PCDH15: variants seen among roughly 807,000 people sequenced by gnomAD.
PCDH15 encodes the protein protocadherin-15.
PCDH15 carries 129 observed loss-of-function variants against 178.5 expected under a neutral mutation model. That is an observed-to-expected ratio of 0.72 (90% CI 0.63 to 0.84). The LOEUF (loss-of-function observed/expected upper bound fraction) is 0.84. Ranked by LOEUF, PCDH15 falls within the 40% of genes least tolerant of loss-of-function variation. The probability of loss-of-function intolerance (pLI) is 0.00; values close to 1 mark genes in which losing one functional copy is unlikely to be tolerated. For missense variants in PCDH15, 2,230 were observed against 2,099.9 expected (o/e 1.06, Z -1.21); for synonymous variants, 800 against 732.0 (o/e 1.09, Z -1.50).
At chr10:54,787,820 G>C (rs1007673122) in intron 1 of PCDH15, among the ~76,000 whole-genome samples, 50 of 151,980 alleles carry the variant, frequency 3.3e-4, no homozygotes, top group African/African-American at 1.2e-3. Flanking sequence ...AGCGAAGCTT[G>C]TAGCAAGCCA....
chr10:54,150,163 G>A (rs1235069572), intron 14 of PCDH15, among the ~76,000 whole-genome samples: 1 of 152,070 alleles, frequency 6.6e-6, no homozygotes, highest in Non-Finnish European at 1.5e-5. Flanking sequence ...TTATTGGGAA[G>A]AGACCTATCA....
intron 1 of PCDH15, among the ~76,000 whole-genome samples, chr10:54,795,074 T>C (rs1314623255): frequency 1.3e-5 from 2 of 151,830 alleles, no homozygotes; most frequent in African/African-American, 4.8e-5. Context: ...TACACATTCT[T>C]TATGATGATA....
intron 2 of PCDH15, among the ~76,000 whole-genome samples, chr10:55,039,070 C>G (rs554341671): frequency 8.5e-5 from 13 of 152,182 alleles, no homozygotes; most frequent in Admixed American, 7.9e-4. Flanking sequence ...ATCTCAACAT[C>G]TCTTCTTTAC....
rs112218251 is a variant in PCDH15 at position 54,665,918 on chromosome 10, C to A, written c.-28-1628G>T. On this transcript the variant is annotated intron_variant, in intron 1 of 37. Coordinates refer to ENST00000644397, the MANE Select transcript of PCDH15 (RefSeq NM_001384140.1). ...AAAAGAAAAATAAAATTGACCAATG[C>A]TACTGGTTGTGTAGAGCAGCGGATA... is the stretch of plus-strand genomic sequence containing the variant. Among the ~76,000 whole-genome samples the A allele has an allele frequency of 1.7e-3, 257 of 152,090 alleles. 3 individuals are homozygous for A. The highest frequency in any genetic ancestry group is 5.8e-3 in the African/African-American group (240 of 41,528).
chr10:54,601,933 G>C (rs752381355), intron 2 of PCDH15, among the ~76,000 whole-genome samples: 3 of 151,862 alleles, frequency 2.0e-5, no homozygotes, highest in Non-Finnish European at 2.9e-5. Context: ...GCTAAATGAT[G>C]AAAACACATG....
intron 3 of PCDH15, among the ~76,000 whole-genome samples, chr10:54,885,295 T>A (rs1414118366): frequency 6.6e-6 from 1 of 152,002 alleles, no homozygotes; most frequent in East Asian, 1.9e-4. Flanking sequence ...TTTGAATGCT[T>A]GACTGTCATG....
At chr10:55,414,117 T>C (rs1307600184) in intron 2 of PCDH15, among the ~76,000 whole-genome samples, 5 of 151,708 alleles carry the variant, frequency 3.3e-5, no homozygotes, top group Non-Finnish European at 7.4e-5. Context: ...CTTCACAGTA[T>C]TTAATTTTAA....
chr10:54,887,928 T>C (rs553289654), intron 3 of PCDH15, among the ~76,000 whole-genome samples: 1 of 152,176 alleles, frequency 6.6e-6, no homozygotes, highest in African/African-American at 2.4e-5. Flanking sequence ...TATTCTGCTC[T>C]CCCACAATCA....
At chr10:54,340,753 G>A (rs1942078319) in intron 6 of PCDH15, among the ~76,000 whole-genome samples, 1 of 152,056 alleles carries the variant, frequency 6.6e-6, no homozygotes, top group South Asian at 2.1e-4. Context: ...TTGGGGGTTT[G>A]CCATTCTCCT....
intron 35 of PCDH15, among the ~76,000 whole-genome samples, chr10:53,815,398 T>C (rs2076025132): frequency 6.6e-6 from 1 of 152,174 alleles, no homozygotes; most frequent in Admixed American, 6.5e-5. Context: ...TCAGCAGATG[T>C]GTATCTTGAC....
chr10:55,613,429 C>A (rs769213692), intron 2 of PCDH15, among the ~76,000 whole-genome samples: 4 of 152,060 alleles, frequency 2.6e-5, no homozygotes, highest in Non-Finnish European at 4.4e-5. Context: ...ATACATGCCC[C>A]ACCTTATAAT....
intron 1 of PCDH15, among the ~76,000 whole-genome samples, chr10:55,166,845 G>A (rs1028885444): frequency 1.3e-5 from 2 of 152,144 alleles, no homozygotes; most frequent in Non-Finnish European, 1.5e-5. Context: ...TTTGGAAGTG[G>A]AAGACTTAAG....
chr10:54,427,010 CT>C (rs1956346423), intron 3 of PCDH15, among the ~76,000 whole-genome samples: 1 of 151,786 alleles, frequency 6.6e-6, no homozygotes, highest in African/African-American at 2.4e-5. Flanking sequence ...AATAGAAGGT[CT>C]TTTAAAAGTT....
At chr10:55,446,997 C>T (rs1358774005) in intron 2 of PCDH15, among the ~76,000 whole-genome samples, 2 of 152,036 alleles carry the variant, frequency 1.3e-5, no homozygotes, top group South Asian at 4.2e-4. Context: ...ACAGATAAAA[C>T]AGAAGTCATA....
At chr10:54,053,803 A>C (rs532484098) in intron 18 of PCDH15, among the ~76,000 whole-genome samples, 28 of 152,314 alleles carry the variant, frequency 1.8e-4, no homozygotes, top group African/African-American at 6.7e-4. Context: ...TTAGAGACAT[A>C]ATTCCAGAAT....
At chr10:54,900,888 A>G (rs1954627563) in intron 2 of PCDH15, among the ~76,000 whole-genome samples, 1 of 152,202 alleles carries the variant, frequency 6.6e-6, no homozygotes, top group Non-Finnish European at 1.5e-5. Context: ...GTATTATGAT[A>G]GTATTGGTCA....
intron 2 of PCDH15, among the ~76,000 whole-genome samples, chr10:54,995,443 A>C (rs1340130896): frequency 1.3e-5 from 2 of 152,020 alleles, no homozygotes; most frequent in African/African-American, 4.8e-5. Flanking sequence ...AATATCATAA[A>C]ATCATCATGA....
chr10:55,339,451 A>G (rs1305099624), intron 2 of PCDH15, among the ~76,000 whole-genome samples: 1 of 152,168 alleles, frequency 6.6e-6, no homozygotes, highest in Non-Finnish European at 1.5e-5. Context: ...CCATTGAAAT[A>G]AAACAATGCA....
intron 18 of PCDH15, among the ~76,000 whole-genome samples, chr10:54,060,399 T>C (rs778393042): frequency 1.3e-5 from 2 of 152,144 alleles, no homozygotes; most frequent in Non-Finnish European, 2.9e-5. Context: ...TGTTTGCATT[T>C]AGTTCATAGT....
Sources: gnomAD v4.1 joint callset for allele counts (sites outside exome capture counted in the v4.1 genomes callset) on GRCh38, gnomAD v4.1.1 for gene constraint, MANE v1.5 for transcripts, NCBI Gene and HGNC (gene_info 2026-07-23, HGNC 2026-07-21) for gene names.